Variants in MARCHF1 observed in about 807,000 individuals in gnomAD.
The protein encoded by MARCHF1 is E3 ubiquitin-protein ligase MARCHF1.
Under a neutral mutation model 54.2 loss-of-function variants are expected in MARCHF1, and 40 were observed. That is an observed-to-expected ratio of 0.74 (90% confidence interval 0.57 to 0.96). MARCHF1 has a LOEUF of 0.96. Among genes scored for constraint, MARCHF1 ranks in the 40% least tolerant of loss-of-function variants. MARCHF1 has a pLI of 0.00. For missense variants in MARCHF1, 586 were observed against 656.5 expected (o/e 0.89, Z 1.17); for synonymous variants, 236 against 236.3 (o/e 1.00, Z 0.01).
intron 8 of MARCHF1, among the ~76,000 whole-genome samples, chr4:163,549,762 CTG>C (rs754956839): frequency 7.3e-5 from 11 of 151,122 alleles, no homozygotes; most frequent in East Asian, 1.9e-4. Context: ...AAAAATATGA[CTG>C]TATGTTTTTT....
At chr4:163,620,596 CACACACACACAG>C (rs1318732687) in intron 5 of MARCHF1, among the ~76,000 whole-genome samples, 3 of 89,070 alleles carry the variant, frequency 3.4e-5, no homozygotes, top group South Asian at 3.4e-4. Context: ...CACACACACA[CACACACACACAG>C]AGAGAGAGAG....
intron 1 of MARCHF1, among the ~76,000 whole-genome samples, chr4:164,214,805 C>T (rs530576400): frequency 6.6e-6 from 1 of 152,304 alleles, no homozygotes; most frequent in South Asian, 2.1e-4. Context: ...CCCACCATTT[C>T]CCTCCTGTCT....
chr4:163,560,764 C>T (rs1015650401), intron 8 of MARCHF1, among the ~76,000 whole-genome samples: 1 of 152,078 alleles, frequency 6.6e-6, no homozygotes, highest in Non-Finnish European at 1.5e-5. Flanking sequence ...CCCTAAGTAT[C>T]TAATAATTTA....
In MARCHF1 at chr4:164,148,537, A is replaced by G. The variant is rs1579574843; in HGVS notation, c.-322-36875T>C. On this transcript the variant is annotated intron_variant, in intron 1 of 9. Transcript: ENST00000514618. ...TTTCCCTATGTTTTCAGTCTGTAAAAATCTTTAGGTGAGCACAGTTTCTTC... is the reference window on the plus strand; with the variant it reads ...TTTCCCTATGTTTTCAGTCTGTAAAGATCTTTAGGTGAGCACAGTTTCTTC... 3.3e-5 allele frequency among the ~76,000 whole-genome samples: 5 copies of G among 152,004 alleles called. No homozygotes were observed. In the South Asian group the frequency reaches 1.0e-3, roughly 32 times the overall value.
intron 2 of MARCHF1, among the ~76,000 whole-genome samples, chr4:164,048,891 A>G (rs1279117220): frequency 6.6e-6 from 1 of 152,130 alleles, no homozygotes; most frequent in African/African-American, 2.4e-5. Flanking sequence ...CTTTACCTAT[A>G]AAGGGAAAAA....
chr4:163,849,756 ACT>A (rs1749592515), intron 4 of MARCHF1, among the ~76,000 whole-genome samples: 1 of 151,968 alleles, frequency 6.6e-6, no homozygotes, highest in Non-Finnish European at 1.5e-5. Context: ...CAGCAGGAGA[ACT>A]CTGCATTTTT....
chr4:164,357,519 G>A (rs762488235), intron 1 of MARCHF1, among the ~76,000 whole-genome samples: 22 of 152,224 alleles, frequency 1.4e-4, no homozygotes, highest in Non-Finnish European at 2.5e-4. Context: ...AAAGTAACAT[G>A]CACAGGTTCA....
chr4:164,201,369 G>A (rs960728716), intron 1 of MARCHF1, among the ~76,000 whole-genome samples: 6 of 152,016 alleles, frequency 3.9e-5, no homozygotes, highest in Admixed American at 2.0e-4. Flanking sequence ...ACAGGCACGT[G>A]CCACCACACC....
At chr4:163,751,390 A>C (rs540053390) in intron 4 of MARCHF1, among the ~76,000 whole-genome samples, 4 of 152,252 alleles carry the variant, frequency 2.6e-5, no homozygotes, top group African/African-American at 9.6e-5. Context: ...TAATACATGA[A>C]AAAAATAAAT....
intron 3 of MARCHF1, among the ~76,000 whole-genome samples, chr4:163,886,751 G>A (rs559721438): frequency 2.1e-4 from 32 of 152,248 alleles, no homozygotes; most frequent in Non-Finnish European, 1.9e-4. Context: ...TCTTTCAGAA[G>A]CAGAATACCT....
chr4:164,057,987 C>G (rs1353946884), intron 2 of MARCHF1, among the ~76,000 whole-genome samples: 1 of 152,000 alleles, frequency 6.6e-6, no homozygotes, highest in East Asian at 1.9e-4. Context: ...ATGGATGAAG[C>G]TGGAAATCAT....
At chr4:164,273,706 C>G (rs1733799612) in intron 1 of MARCHF1, among the ~76,000 whole-genome samples, 1 of 152,284 alleles carries the variant, frequency 6.6e-6, no homozygotes, top group East Asian at 1.9e-4. Context: ...TATTACAACT[C>G]AAACTGCAAT....
chr4:163,737,363 C>A (rs1746075918), intron 4 of MARCHF1, among the ~76,000 whole-genome samples: 1 of 42,120 alleles, frequency 2.4e-5, no homozygotes, highest in African/African-American at 6.3e-5. Context: ...CTATCCCTCC[C>A]CCCTCCCCCG....
intron 1 of MARCHF1, among the ~76,000 whole-genome samples, chr4:164,245,279 C>T (rs534164033): frequency 4.0e-4 from 61 of 152,282 alleles, no homozygotes; most frequent in Admixed American, 3.8e-3. Flanking sequence ...TGGGCTTCAT[C>T]CCTGGGATGC....
chr4:163,937,636 A>G (rs932508181), intron 3 of MARCHF1, among the ~76,000 whole-genome samples: 1 of 152,088 alleles, frequency 6.6e-6, no homozygotes, highest in African/African-American at 2.4e-5. Flanking sequence ...GTTTGCTGAC[A>G]TATTTGGAGT....
intron 2 of MARCHF1, among the ~76,000 whole-genome samples, chr4:164,004,240 T>C (rs1245393140): frequency 2.4e-5 from 3 of 124,414 alleles, no homozygotes; most frequent in African/African-American, 8.1e-5. Context: ...GGCACATGTT[T>C]ACATACATAT....
intron 1 of MARCHF1, among the ~76,000 whole-genome samples, chr4:164,220,693 CTATATATGT>C (rs1370808224): frequency 7.6e-4 from 82 of 108,406 alleles, no homozygotes; most frequent in South Asian, 1.2e-3. Context: ...AATATATATG[CTATATATGT>C]ATATATGTAA....
chr4:163,526,956 T>C lies in MARCHF1; in HGVS notation c.*1792A>G, dbSNP rs1217521776. 1 of 150,680 alleles carries C rather than the reference T, an allele frequency of 6.6e-6. No individual in the cohort carries two copies. The highest frequency in any genetic ancestry group is 2.0e-4 in the East Asian group (1 of 5,108). The allele number at this position is 150,680 out of a possible 1,614,324, so 9.3% of individuals were successfully genotyped here. A position where few individuals can be genotyped will look rare whatever the true frequency, so the allele number is the denominator to read the frequency against. On this transcript the variant is annotated 3_prime_UTR_variant, in exon 10 of 10. Coordinates refer to ENST00000514618, the MANE Select transcript of MARCHF1 (RefSeq NM_001394959.1). ...CCATCTTTCTCCTCATTTAAAGGTT[T>C]GTTTTTTTTTTCCCTTTTTCCTATG...
At chr4:164,202,045 T>A (rs1285422176) in intron 1 of MARCHF1, among the ~76,000 whole-genome samples, 1 of 152,148 alleles carries the variant, frequency 6.6e-6, no homozygotes, top group African/African-American at 2.4e-5. Context: ...GAAATGAAAA[T>A]ATATCAGCTC....
Sources: allele counts gnomAD v4.1 joint callset (sites outside exome capture counted in the v4.1 genomes callset), GRCh38; gene constraint gnomAD v4.1.1; transcripts MANE v1.5; gene names NCBI Gene and HGNC (gene_info 2026-07-23, HGNC 2026-07-21).